The following TMEM38B variants were observed in gnomAD, a reference collection of about 807,000 sequenced individuals.
The protein encoded by TMEM38B is trimeric intracellular cation channel type B.
In TMEM38B, 24 loss-of-function variants were observed where a neutral mutation model predicts 28.7. The observed-to-expected ratio is 0.84, with a 90% confidence interval of 0.61 to 1.18. The LOEUF is 1.18. Among genes scored for constraint, TMEM38B ranks in the 50% most tolerant of loss-of-function variants. The pLI, the probability that TMEM38B is intolerant of heterozygous loss-of-function variation, is 0.00. For missense variants in TMEM38B, 380 were observed against 350.9 expected (o/e 1.08, Z -0.66); for synonymous variants, 131 against 127.7 (o/e 1.03, Z -0.17).
At chr9:105,709,312 T>G (rs754383512) in intron 2 of TMEM38B, among the ~76,000 whole-genome samples, 8 of 152,130 alleles carry the variant, frequency 5.3e-5, no homozygotes, top group Non-Finnish European at 1.2e-4. Flanking sequence ...TATTACAGAT[T>G]AAAACAAATC....
intron 5 of TMEM38B, among the ~76,000 whole-genome samples, chr9:105,772,134 C>T (rs1456479281): frequency 6.6e-6 from 1 of 152,212 alleles, no homozygotes; most frequent in Non-Finnish European, 1.5e-5. Context: ...TCCAACTTAT[C>T]TTCCCAGTAC....
intron 4 of TMEM38B, among the ~76,000 whole-genome samples, chr9:105,747,299 T>C (rs1837445408): frequency 6.6e-6 from 1 of 152,258 alleles, no homozygotes; most frequent in African/African-American, 2.4e-5. Context: ...CCTGGTTTAG[T>C]CTTGGGAGAG....
In TMEM38B at chr9:105,705,661, T is replaced by C; in HGVS notation, c.177T>C (p.Phe59=). 6.2e-7 allele frequency: 1 copy of C among 1,614,060 alleles called. No homozygotes were observed. Among genetic ancestry groups the C allele is most frequent in the East Asian group, 2.2e-5 (1 of 44,856 alleles). Reference sequence around the variant, plus strand: ...GGTTTACTGCTATGCTCCACTGTTTTGGTGGAGGAATTTTATCCTGTCTAC... The same window carrying C: ...GGTTTACTGCTATGCTCCACTGTTTCGGTGGAGGAATTTTATCCTGTCTAC... ...SSWFTAMLHC[F]GGGILSCLLL... Residue 59 remains phenylalanine, a synonymous_variant, in exon 2 of 6, where the codon TTT becomes TTC. Transcript: ENST00000374692.
At chr9:105,736,712 A>G (rs1836995907) in intron 4 of TMEM38B, among the ~76,000 whole-genome samples, 1 of 152,198 alleles carries the variant, frequency 6.6e-6, no homozygotes, top group Non-Finnish European at 1.5e-5. Flanking sequence ...ATATCTGTAC[A>G]TCTCATGGAA....
At chr9:105,762,767 A>T (rs1192938237) in intron 5 of TMEM38B, among the ~76,000 whole-genome samples, 12 of 149,460 alleles carry the variant, frequency 8.0e-5, no homozygotes, top group Non-Finnish European at 1.8e-4. Flanking sequence ...CTTTGGGTAT[A>T]TACCCAGTAA....
At chr9:105,710,403 T>C (rs745533369) in intron 2 of TMEM38B, 5 of 961,512 alleles carry the variant, frequency 5.2e-6, no homozygotes, top group Non-Finnish European at 8.2e-6. Flanking sequence ...GATCTCCTTC[T>C]TTCATAACTT....
intron 5 of TMEM38B, chr9:105,760,481 G>C: frequency 1.3e-6 from 1 of 746,012 alleles, no homozygotes; most frequent in Admixed American, 2.0e-5. Flanking sequence ...TATTCATACT[G>C]TAAGCAGATT....
chr9:105,721,773 A>T, intron 3 of TMEM38B, 52 bp downstream of exon 3: 1 of 1,361,206 alleles, frequency 7.3e-7, no homozygotes, highest in Non-Finnish European at 1.0e-6. Flanking sequence ...TGTATTATTA[A>T]TACCATTACT....
chr9:105,750,397 G>C (rs964771856), intron 5 of TMEM38B, among the ~76,000 whole-genome samples: 1 of 152,078 alleles, frequency 6.6e-6, no homozygotes, highest in Non-Finnish European at 1.5e-5. Flanking sequence ...GCTGAGGTGG[G>C]CAGATCACCT....
Position 105,775,856 on chromosome 9 carries a change from A to AG in TMEM38B, c.*1778dup, listed in dbSNP as rs1298579833. The AG allele has an allele frequency of 6.6e-6, 1 of 152,116 alleles. No homozygotes were observed. The highest frequency in any genetic ancestry group is 2.4e-5 in the African/African-American group (1 of 41,418). The allele number at this position is 152,116 out of a possible 1,614,324, so 9.4% of individuals were successfully genotyped here. A position where few individuals can be genotyped will look rare whatever the true frequency, so the allele number is the denominator to read the frequency against. The stretch of plus-strand genomic sequence containing the variant: ...ATTTTTATGTTTTATATTTTTCTTG[A>AG]GGTAGAGTTTCAGAACTCATCTAGT... On this transcript the variant is annotated 3_prime_UTR_variant, in exon 6 of 6. Transcript: ENST00000374692.
chr9:105,765,628 T>C (rs61572928), intron 5 of TMEM38B, among the ~76,000 whole-genome samples: 3,602 of 152,284 alleles, frequency 0.024, 70 homozygotes, highest in Middle Eastern at 0.085. Context: ...GATTTATCCA[T>C]GTAATTACAT....
chr9:105,739,796 A>AT (rs1320533111), intron 4 of TMEM38B, among the ~76,000 whole-genome samples: 1 of 146,774 alleles, frequency 6.8e-6, no homozygotes, highest in Non-Finnish European at 1.5e-5. Flanking sequence ...AAATGTTGGG[A>AT]TTATGGGCAT....
intron 1 of TMEM38B, among the ~76,000 whole-genome samples, chr9:105,695,022 C>T (rs1835236469): frequency 6.6e-6 from 1 of 152,318 alleles, no homozygotes; most frequent in South Asian, 2.1e-4. Flanking sequence ...TCCGCGAGGC[C>T]GTAGCCTGGG....
intron 1 of TMEM38B, among the ~76,000 whole-genome samples, chr9:105,697,671 C>G (rs560979191): frequency 6.6e-6 from 1 of 151,752 alleles, no homozygotes; most frequent in Non-Finnish European, 1.5e-5. Flanking sequence ...TGTCTGTAGT[C>G]CTTTTTTCCC....
intron 1 of TMEM38B, among the ~76,000 whole-genome samples, chr9:105,704,451 C>T (rs183800327): frequency 4.7e-4 from 72 of 152,202 alleles, no homozygotes; most frequent in African/African-American, 1.7e-3. Flanking sequence ...GAGTTAGAGA[C>T]ATTGTTCATA....
At chr9:105,712,746 G>A (rs1198521499) in intron 2 of TMEM38B, among the ~76,000 whole-genome samples, 2 of 152,248 alleles carry the variant, frequency 1.3e-5, no homozygotes, top group African/African-American at 4.8e-5. Context: ...AGGCCATCTG[G>A]TGTGGCTGCT....
intron 4 of TMEM38B, among the ~76,000 whole-genome samples, chr9:105,734,209 C>T (rs1215499092): frequency 3.3e-5 from 5 of 151,704 alleles, no homozygotes; most frequent in South Asian, 2.1e-4. Flanking sequence ...CGTTGGTTGC[C>T]CAGGAGCATC....
rs906334411 is a variant in TMEM38B at position 105,776,617 on chromosome 9, C to T, written c.*2537C>T. The T allele has an allele frequency of 2.0e-5, 3 of 152,128 alleles. No individual in the cohort carries two copies. The highest frequency in any genetic ancestry group is 2.0e-4 in the Admixed American group (3 of 15,266). 9.4% of individuals were successfully genotyped at this position (152,128 alleles called of 1,614,324 possible). ...ATAAAGCCCTTTATAGTGTTTGCCC[C>T]AGGTGTAATTCACATCCTTGGTAAT... On this transcript the variant is annotated 3_prime_UTR_variant, in exon 6 of 6. Coordinates refer to ENST00000374692, the MANE Select transcript of TMEM38B (RefSeq NM_018112.3).
At chr9:105,730,534 T>C (rs1228343135) in intron 4 of TMEM38B, among the ~76,000 whole-genome samples, 1 of 152,066 alleles carries the variant, frequency 6.6e-6, no homozygotes, top group Non-Finnish European at 1.5e-5. Context: ...AAATTCTCTT[T>C]ATTCGTTGTT....
Sources: allele counts gnomAD v4.1 joint callset (sites outside exome capture counted in the v4.1 genomes callset), GRCh38; gene constraint gnomAD v4.1.1; transcripts MANE v1.5; gene names NCBI Gene and HGNC (gene_info 2026-07-23, HGNC 2026-07-21).